DLG2: variants seen among roughly 807,000 people sequenced by gnomAD.
The protein encoded by DLG2 is disks large homolog 2.
In DLG2, 45 loss-of-function variants were observed where a neutral mutation model predicts 132.5. The observed-to-expected ratio is 0.34, with a 90% confidence interval of 0.27 to 0.44. The LOEUF (loss-of-function observed/expected upper bound fraction) is 0.44, where lower values mean the gene tolerates loss of function less well. Among genes scored for constraint, DLG2 ranks in the 20% least tolerant of loss-of-function variants. DLG2 has a pLI of 1.00. For synonymous variants in DLG2, 424 were observed against 419.6 expected (o/e 1.01, Z -0.13); for missense variants, 1,045 against 1,196.9 (o/e 0.87, Z 1.87).
At chr11:83,838,515 A>G (rs2056801435) in intron 16 of DLG2, among the ~76,000 whole-genome samples, 1 of 152,236 alleles carries the variant, frequency 6.6e-6, no homozygotes, top group East Asian at 1.9e-4. Context: ...AGAATACGGT[A>G]TATACCAGAG....
At chr11:85,206,527 C>T (rs1425436582) in intron 4 of DLG2, among the ~76,000 whole-genome samples, 1 of 152,116 alleles carries the variant, frequency 6.6e-6, no homozygotes, top group Non-Finnish European at 1.5e-5. Context: ...GCACCAAATA[C>T]ATGGTATATA....
intron 6 of DLG2, among the ~76,000 whole-genome samples, chr11:85,035,563 C>T (rs2061369686): frequency 6.6e-6 from 1 of 152,180 alleles, no homozygotes; most frequent in South Asian, 2.1e-4. Context: ...AAACCACCCC[C>T]ATGATCCAGT....
chr11:85,398,049 G>A (rs543723998), intron 3 of DLG2, among the ~76,000 whole-genome samples: 52 of 152,272 alleles, frequency 3.4e-4, no homozygotes, highest in Non-Finnish European at 6.3e-4. Context: ...CTCAGCAAAT[G>A]TAAAAGAACA....
intron 17 of DLG2, among the ~76,000 whole-genome samples, chr11:83,808,263 C>G (rs2046426357): frequency 6.6e-6 from 1 of 152,150 alleles, no homozygotes; most frequent in Non-Finnish European, 1.5e-5. Flanking sequence ...CAACAATCTC[C>G]CAGAGCATTT....
chr11:85,131,294 A>G (rs1204007910), intron 5 of DLG2, among the ~76,000 whole-genome samples: 1 of 152,132 alleles, frequency 6.6e-6, no homozygotes, highest in Non-Finnish European at 1.5e-5. Context: ...ATAACTTTTG[A>G]TAACTTATTT....
chr11:84,123,403 G>C (rs568983609), intron 9 of DLG2, among the ~76,000 whole-genome samples: 1 of 152,160 alleles, frequency 6.6e-6, no homozygotes, highest in African/African-American at 2.4e-5. Flanking sequence ...AGTCTATGCT[G>C]TGCTTGGAGT....
At chr11:84,584,681 T>A (rs2099525002) in intron 6 of DLG2, among the ~76,000 whole-genome samples, 2 of 64,886 alleles carry the variant, frequency 3.1e-5, no homozygotes, top group Non-Finnish European at 6.2e-5. Flanking sequence ...TTCCTTTTTT[T>A]TTTTTTTTTT....
At chr11:85,280,179 A>T (rs1346095164) in intron 4 of DLG2, among the ~76,000 whole-genome samples, 5 of 152,016 alleles carry the variant, frequency 3.3e-5, no homozygotes, top group African/African-American at 1.2e-4. Flanking sequence ...ACTGATGAAG[A>T]TAGTGAGTGA....
intron 3 of DLG2, among the ~76,000 whole-genome samples, chr11:85,456,253 T>A (rs768400580): frequency 1.3e-5 from 2 of 152,202 alleles, no homozygotes; most frequent in Non-Finnish European, 2.9e-5. Context: ...TTTGTGTGCA[T>A]AGAGGTGCTC....
intron 18 of DLG2, among the ~76,000 whole-genome samples, chr11:83,765,946 A>G (rs187574763): frequency 6.6e-6 from 1 of 152,352 alleles, no homozygotes; most frequent in Non-Finnish European, 1.5e-5. Flanking sequence ...TTTTGAGAGC[A>G]CACTTGACAG....
chr11:85,068,724 GC>G (rs2065310679), intron 6 of DLG2, among the ~76,000 whole-genome samples: 1 of 152,054 alleles, frequency 6.6e-6, no homozygotes, highest in African/African-American at 2.4e-5. Flanking sequence ...TGGCCATACA[GC>G]CCAAGGAAAT....
chr11:84,753,855 A>G (rs1220766407), intron 6 of DLG2, among the ~76,000 whole-genome samples: 1 of 152,232 alleles, frequency 6.6e-6, no homozygotes, highest in East Asian at 1.9e-4. Flanking sequence ...GCACTAAATC[A>G]GATTTCACTG....
chr11:85,044,792 T>A (rs1324844838), intron 6 of DLG2, among the ~76,000 whole-genome samples: 1 of 152,058 alleles, frequency 6.6e-6, no homozygotes, highest in African/African-American at 2.4e-5. Flanking sequence ...AATTCTCATT[T>A]CTCAGAATCT....
chr11:85,063,958 C>T (rs527535057), intron 6 of DLG2, among the ~76,000 whole-genome samples: 15 of 151,864 alleles, frequency 9.9e-5, no homozygotes, highest in African/African-American at 3.6e-4. Flanking sequence ...GCCACTATTC[C>T]TTTCCTTCAG....
intron 3 of DLG2, among the ~76,000 whole-genome samples, chr11:85,591,638 G>GA (rs1217979623): frequency 6.6e-6 from 1 of 152,164 alleles, no homozygotes; most frequent in Admixed American, 6.5e-5. Flanking sequence ...AGTTACTCAG[G>GA]AGGCTGAGGC....
At chr11:84,674,380 G>A (rs34456620) in intron 6 of DLG2, among the ~76,000 whole-genome samples, 123 of 152,200 alleles carry the variant, frequency 8.1e-4, no homozygotes, top group South Asian at 2.3e-3. Flanking sequence ...AATGAGCAGA[G>A]TATAATTAAT....
chr11:83,991,989 G>A (rs1216029311), intron 11 of DLG2, among the ~76,000 whole-genome samples: 2 of 152,102 alleles, frequency 1.3e-5, no homozygotes, highest in African/African-American at 4.8e-5. Context: ...AATACACAGG[G>A]AGCAATTTAT....
intron 17 of DLG2, among the ~76,000 whole-genome samples, chr11:83,806,392 C>A (rs2045918017): frequency 6.6e-6 from 1 of 152,188 alleles, no homozygotes; most frequent in Non-Finnish European, 1.5e-5. Flanking sequence ...TACACTTTCT[C>A]TACACATATT....
Position 85,262,829 on chromosome 11 carries a change from G to T in DLG2, c.186+22391C>A, listed in dbSNP as rs79951680. On this transcript the variant is annotated intron_variant, in intron 4 of 27. Coordinates refer to ENST00000376104, the MANE Select transcript of DLG2 (RefSeq NM_001142699.3). ...TCCCAGTTCATCTGCATCTCATTAT[G>T]GAGCCACGAGAATAAGCAGCCCAAC... Among the ~76,000 whole-genome samples the T allele has an allele frequency of 2.5e-3, 376 of 152,250 alleles. 3 individuals are homozygous for T. Among genetic ancestry groups the T allele is most frequent in the African/African-American group, 8.6e-3 (359 of 41,546 alleles).
Sources: gnomAD v4.1 joint callset for allele counts (sites outside exome capture counted in the v4.1 genomes callset) on GRCh38, gnomAD v4.1.1 for gene constraint, MANE v1.5 for transcripts, NCBI Gene and HGNC (gene_info 2026-07-23, HGNC 2026-07-21) for gene names.